Variants in ROR1 observed in about 807,000 individuals in gnomAD.
The protein encoded by ROR1 is inactive tyrosine-protein kinase transmembrane receptor ROR1.
A neutral mutation model predicts 78.8 loss-of-function variants in ROR1; 19 were observed. The ratio of observed to expected loss-of-function variants is 0.24; its 90% CI spans 0.17 to 0.35. The LOEUF is 0.35. Among genes scored for constraint, ROR1 ranks in the 10% least tolerant of loss-of-function variants. The pLI is 1.00. For synonymous variants in ROR1, 386 were observed against 433.6 expected (o/e 0.89, Z 1.36); for missense variants, 917 against 1,177.8 (o/e 0.78, Z 3.24).
At chr1:64,050,052 C>A in intron 3 of ROR1, 74 bp downstream of exon 3, 1 of 1,517,436 alleles carries the variant, frequency 6.6e-7, no homozygotes, top group Non-Finnish European at 9.0e-7. Context: ...TCCACAGGGA[C>A]AGGAAGGAAG....
intron 1 of ROR1, among the ~76,000 whole-genome samples, chr1:63,780,696 C>G (rs975139005): frequency 2.6e-5 from 4 of 152,212 alleles, no homozygotes; most frequent in Non-Finnish European, 5.9e-5. Flanking sequence ...TAGATCTGAG[C>G]AGTACCCAGG....
chr1:64,001,203 C>T (rs1646380365), intron 1 of ROR1, among the ~76,000 whole-genome samples: 1 of 152,190 alleles, frequency 6.6e-6, no homozygotes, highest in Admixed American at 6.5e-5. Flanking sequence ...AGATGAATCT[C>T]AAGGGCATTA....
At chr1:63,926,727 C>T (rs1645708020) in intron 1 of ROR1, among the ~76,000 whole-genome samples, 1 of 107,770 alleles carries the variant, frequency 9.3e-6, no homozygotes, top group Admixed American at 1.1e-4. Context: ...TCCTTCACAT[C>T]CCTTGTAAGT....
intron 1 of ROR1, among the ~76,000 whole-genome samples, chr1:63,816,295 A>G (rs1023635314): frequency 6.6e-6 from 1 of 152,204 alleles, no homozygotes; most frequent in African/African-American, 2.4e-5. Context: ...AGTAGCTCCC[A>G]TAACTCCCAC....
intron 4 of ROR1, among the ~76,000 whole-genome samples, chr1:64,096,065 A>C (rs1330066453): frequency 6.6e-6 from 1 of 152,174 alleles, no homozygotes; most frequent in African/African-American, 2.4e-5. Context: ...GAACAATACC[A>C]TCAGTGTTTG....
chr1:63,940,830 A>G (rs1645832788), intron 1 of ROR1, among the ~76,000 whole-genome samples: 1 of 152,188 alleles, frequency 6.6e-6, no homozygotes, highest in Non-Finnish European at 1.5e-5. Flanking sequence ...CAGCCAGATG[A>G]TCAGGTTAAT....
chr1:64,044,881 C>A (rs1207947894), intron 2 of ROR1, among the ~76,000 whole-genome samples: 1 of 152,288 alleles, frequency 6.6e-6, no homozygotes, highest in African/African-American at 2.4e-5. Context: ...CCAATCATAA[C>A]TGATGGCACT....
At chr1:63,834,613 A>G (rs1246404450) in intron 1 of ROR1, among the ~76,000 whole-genome samples, 1 of 152,202 alleles carries the variant, frequency 6.6e-6, no homozygotes, top group Non-Finnish European at 1.5e-5. Context: ...GCTTACTCTT[A>G]AAATGGATTT....
intron 1 of ROR1, among the ~76,000 whole-genome samples, chr1:64,006,571 C>T (rs780992529): frequency 2.0e-5 from 3 of 152,198 alleles, no homozygotes; most frequent in Non-Finnish European, 4.4e-5. Flanking sequence ...CTGCTTTCCA[C>T]TGTGGCTTTG....
Position 63,981,646 on chromosome 1 carries a change from T to C in ROR1, c.92-27659T>C, listed in dbSNP as rs116573810. Among the ~76,000 whole-genome samples, 385 of 152,190 alleles carry C rather than the reference T, an allele frequency of 2.5e-3. 3 individuals carry two copies. Among genetic ancestry groups the C allele is most frequent in the African/African-American group, 8.7e-3 (362 of 41,538 alleles). On this transcript the variant is annotated intron_variant, in intron 1 of 8. Coordinates refer to ENST00000371079, the MANE Select transcript of ROR1 (RefSeq NM_005012.4). ...TTGAGAGCTGGTGTCCTGGGATCCTTTGGCTGGGCTGGAAGGTTCAGCTGG... is the reference window on the plus strand; with the variant it reads ...TTGAGAGCTGGTGTCCTGGGATCCTCTGGCTGGGCTGGAAGGTTCAGCTGG...
chr1:64,000,336 C>A (rs181550457), intron 1 of ROR1, among the ~76,000 whole-genome samples: 1 of 152,184 alleles, frequency 6.6e-6, no homozygotes, highest in Non-Finnish European at 1.5e-5. Flanking sequence ...CTGCAGCATG[C>A]CTCCTCCCTT....
At chr1:63,799,581 A>G (rs1644783031) in intron 1 of ROR1, among the ~76,000 whole-genome samples, 1 of 152,038 alleles carries the variant, frequency 6.6e-6, no homozygotes, top group Non-Finnish European at 1.5e-5. Flanking sequence ...CAAATTGGAA[A>G]TGGATTATGG....
intron 1 of ROR1, among the ~76,000 whole-genome samples, chr1:63,845,042 T>C (rs586122): frequency 1.3e-5 from 2 of 151,986 alleles, no homozygotes; most frequent in African/African-American, 4.8e-5. Flanking sequence ...TGCACCCTGC[T>C]TTGTGAGTTA....
chr1:64,086,168 C>G (rs1647151096), intron 4 of ROR1, among the ~76,000 whole-genome samples: 1 of 152,216 alleles, frequency 6.6e-6, no homozygotes, highest in Non-Finnish European at 1.5e-5. Flanking sequence ...CAGTTCCTTT[C>G]ACACAAAATG....
intron 4 of ROR1, 24 bp from the exon 5 acceptor site, chr1:64,137,345 A>C: frequency 6.2e-7 from 1 of 1,613,448 alleles, no homozygotes; most frequent in Non-Finnish European, 8.5e-7. Context: ...GCATCAGCTA[A>C]TGTCTGTCTA....
intron 1 of ROR1, among the ~76,000 whole-genome samples, chr1:63,956,610 C>T (rs948305855): frequency 4.6e-5 from 7 of 152,220 alleles, no homozygotes; most frequent in African/African-American, 1.7e-4. Context: ...GTCCTTAATA[C>T]TGGCATTGAT....
intron 1 of ROR1, among the ~76,000 whole-genome samples, chr1:63,936,652 G>A (rs746311748): frequency 8.5e-5 from 13 of 152,060 alleles, no homozygotes; most frequent in Non-Finnish European, 1.9e-4. Flanking sequence ...ACCACACAAT[G>A]TAGTGATCTG....
chr1:63,955,434 G>A (rs1488030366), intron 1 of ROR1, among the ~76,000 whole-genome samples: 2 of 151,926 alleles, frequency 1.3e-5, no homozygotes, highest in Non-Finnish European at 2.9e-5. Context: ...ATTTCAAAGG[G>A]GGCAGATTCT....
In ROR1 at chr1:63,835,786, G is replaced by A. The variant is rs573481878; in HGVS notation, c.91+61278G>A. 1.2e-4 allele frequency among the ~76,000 whole-genome samples: 19 copies of A among 152,326 alleles called. No homozygotes were observed. The South Asian group carries it at 3.5e-3, about 28-fold the overall frequency. On this transcript the variant is annotated intron_variant, in intron 1 of 8. Transcript: ENST00000371079. ...GGCACTTGTGTTGTTGGACAATATA[G>A]GGTGCACACAGTAATGTGGATTTCA... is the stretch of plus-strand genomic sequence containing the variant.
Sources: allele counts gnomAD v4.1 joint callset (sites outside exome capture counted in the v4.1 genomes callset), GRCh38; gene constraint gnomAD v4.1.1; transcripts MANE v1.5; gene names NCBI Gene and HGNC (gene_info 2026-07-23, HGNC 2026-07-21).